The following PDE1A variants were observed in gnomAD, a reference collection of about 807,000 sequenced individuals.
PDE1A encodes the protein dual specificity calcium/calmodulin-dependent 3',5'-cyclic nucleotide phosphodiesterase 1A.
Under a neutral mutation model 61.7 loss-of-function variants are expected in PDE1A, and 35 were observed. The observed-to-expected ratio is 0.57, with a 90% CI of 0.43 to 0.75. PDE1A has a LOEUF of 0.75. PDE1A is among the 30% of genes least tolerant of loss of function. The pLI is 0.00. For synonymous variants in PDE1A, 232 were observed against 213.2 expected, an observed-to-expected ratio of 1.09 and a Z score of -0.77; for missense variants, 597 against 630.6, an observed-to-expected ratio of 0.95 and a Z score of 0.57.
intron 1 of PDE1A, among the ~76,000 whole-genome samples, chr2:182,358,631 C>T (rs930364800): frequency 5.3e-5 from 8 of 152,220 alleles, no homozygotes; most frequent in African/African-American, 1.7e-4. Context: ...TCCTATTACA[C>T]TACGAGTTTT....
chr2:182,260,714 C>T (rs1422463712), intron 2 of PDE1A, among the ~76,000 whole-genome samples: 1 of 152,174 alleles, frequency 6.6e-6, no homozygotes, highest in African/African-American at 2.4e-5. Flanking sequence ...CCACATGAAA[C>T]TACTGAAGGC....
chr2:182,154,499 G>T (rs1470631049), intron 13 of PDE1A, among the ~76,000 whole-genome samples: 1 of 152,074 alleles, frequency 6.6e-6, no homozygotes, highest in African/African-American at 2.4e-5. Context: ...CGTGTGAAGG[G>T]CAGGGCCAGG....
intron 1 of PDE1A, among the ~76,000 whole-genome samples, chr2:182,301,030 A>G (rs951451637): frequency 5.9e-5 from 9 of 152,166 alleles, no homozygotes; most frequent in Non-Finnish European, 8.8e-5. Context: ...TAAATATTTT[A>G]GATATGGGTT....
chr2:182,463,896 T>C (rs564675899), intron 2 of PDE1A, among the ~76,000 whole-genome samples: 1 of 152,258 alleles, frequency 6.6e-6, no homozygotes, highest in South Asian at 2.1e-4. Context: ...AAAGAACACT[T>C]CTAGGAGCCC....
chr2:182,527,332 A>ATG (rs1690792415), upstream of PDE1A, among the ~76,000 whole-genome samples: 1 of 6,760 alleles, frequency 1.5e-4, no homozygotes, highest in African/African-American at 7.4e-4. Flanking sequence ...AAAAAAATAT[A>ATG]TATATATATA....
chr2:182,594,069 T>G, the PDE1A span, among the ~76,000 whole-genome samples: 8 of 152,334 alleles, frequency 5.3e-5, no homozygotes, highest in Middle Eastern at 3.4e-3. Flanking sequence ...TAACCATAGA[T>G]TCTTTTTACT....
downstream of PDE1A, among the ~76,000 whole-genome samples, chr2:182,163,714 T>C (rs767064998): frequency 7.2e-5 from 11 of 152,218 alleles, no homozygotes; most frequent in African/African-American, 1.2e-4. Flanking sequence ...AAAGGCGACA[T>C]ATTTGGGTGT....
intron 1 of PDE1A, among the ~76,000 whole-genome samples, chr2:182,360,059 T>C (rs1222579571): frequency 6.6e-6 from 1 of 152,082 alleles, no homozygotes; most frequent in Admixed American, 6.6e-5. Flanking sequence ...CTATGAAAAC[T>C]ACACACTTAA....
At chr2:182,649,305 A>C in the PDE1A span, among the ~76,000 whole-genome samples, 1 of 152,176 alleles carries the variant, frequency 6.6e-6, no homozygotes, top group Non-Finnish European at 1.5e-5. Context: ...GAATAGGAAA[A>C]GCAACATGAG....
At chr2:182,244,052 A>G (rs981926159) in intron 2 of PDE1A, among the ~76,000 whole-genome samples, 3 of 152,050 alleles carry the variant, frequency 2.0e-5, no homozygotes, top group African/African-American at 7.2e-5. Flanking sequence ...TTTTTAGTAG[A>G]GACGGGGTTT....
intron 2 of PDE1A, among the ~76,000 whole-genome samples, chr2:182,474,370 C>A (rs1217985134): frequency 6.6e-6 from 1 of 151,862 alleles, no homozygotes; most frequent in Non-Finnish European, 1.5e-5. Context: ...GCAAAGTAGG[C>A]TATTCAGCAG....
the PDE1A span, among the ~76,000 whole-genome samples, chr2:182,681,606 T>G: frequency 2.0e-5 from 3 of 152,052 alleles, no homozygotes; most frequent in Admixed American, 2.0e-4. Context: ...TATTCAGGAT[T>G]TGTCAATATC....
intron 2 of PDE1A, among the ~76,000 whole-genome samples, chr2:182,521,682 T>A (rs894178421): frequency 6.6e-6 from 1 of 152,148 alleles, no homozygotes; most frequent in African/African-American, 2.4e-5. Context: ...TATTATGTAC[T>A]ATGGACTATT....
intron 12 of PDE1A, 67 bp from the exon 13 acceptor site, chr2:182,186,146 A>C (rs1461801936): frequency 6.6e-7 from 1 of 1,506,588 alleles, no homozygotes; most frequent in Non-Finnish European, 9.0e-7. Context: ...GAAAACCTGA[A>C]AAACTTTACA....
chr2:182,675,008 T>C, the PDE1A span, among the ~76,000 whole-genome samples: 1 of 152,152 alleles, frequency 6.6e-6, no homozygotes, highest in Non-Finnish European at 1.5e-5. Flanking sequence ...GCTACATAGG[T>C]AAACTTGTGT....
At chr2:182,552,439 G>GTT in the PDE1A span, among the ~76,000 whole-genome samples, 285 of 122,794 alleles carry the variant, frequency 2.3e-3, 1 homozygote, top group Non-Finnish European at 2.9e-3. Flanking sequence ...GCTACACAAA[G>GTT]TTTTTTTTTT....
chr2:182,447,614 C>T (rs1404737669), intron 2 of PDE1A, among the ~76,000 whole-genome samples: 1 of 151,980 alleles, frequency 6.6e-6, no homozygotes, highest in African/African-American at 2.4e-5. Flanking sequence ...CTGTAAAGCC[C>T]ATCTCAAAGG....
At chr2:182,688,517 T>C in the PDE1A span, among the ~76,000 whole-genome samples, 1 of 151,932 alleles carries the variant, frequency 6.6e-6, no homozygotes, top group Non-Finnish European at 1.5e-5. Flanking sequence ...CTACAAGAGC[T>C]CCTGAAGGAA....
intron 2 of PDE1A, among the ~76,000 whole-genome samples, chr2:182,261,043 T>C (rs2125775687): frequency 6.6e-6 from 1 of 152,344 alleles, no homozygotes; most frequent in South Asian, 2.1e-4. Flanking sequence ...TAAAATGGTA[T>C]ATATAAAATG....
Sources: gnomAD v4.1 joint callset for allele counts (sites outside exome capture counted in the v4.1 genomes callset) on GRCh38, gnomAD v4.1.1 for gene constraint, MANE v1.5 for transcripts, NCBI Gene and HGNC (gene_info 2026-07-23, HGNC 2026-07-21) for gene names.